Variants in PPARGC1A observed in about 807,000 individuals in gnomAD.
The protein encoded by PPARGC1A is PPARG coactivator 1 alpha.
In PPARGC1A, 25 loss-of-function variants were observed where a neutral mutation model predicts 88.7. That is an observed-to-expected ratio of 0.28 (90% CI 0.21 to 0.39). PPARGC1A has a LOEUF of 0.39. Ranked by LOEUF, PPARGC1A falls within the 10% of genes least tolerant of loss-of-function variation. The pLI, the probability that PPARGC1A is intolerant of heterozygous loss-of-function variation, is 1.00. For synonymous variants in PPARGC1A, 363 were observed against 355.6 expected, an observed-to-expected ratio of 1.02 and a Z score of -0.24; for missense variants, 880 against 968.7, an observed-to-expected ratio of 0.91 and a Z score of 1.22.
the PPARGC1A span, among the ~76,000 whole-genome samples, chr4:24,390,696 T>A: frequency 2.0e-5 from 3 of 152,070 alleles, no homozygotes; most frequent in Non-Finnish European, 4.4e-5. Context: ...CAATATTATA[T>A]CGGGAGCATT....
At chr4:24,181,879 C>T in the PPARGC1A span, among the ~76,000 whole-genome samples, 1 of 152,118 alleles carries the variant, frequency 6.6e-6, no homozygotes, top group African/African-American at 2.4e-5. Context: ...CCATCGAGAC[C>T]TTACCCCGAG....
the PPARGC1A span, among the ~76,000 whole-genome samples, chr4:23,971,127 G>A: frequency 2.7e-3 from 409 of 152,198 alleles, 1 homozygote; most frequent in Middle Eastern, 0.017. Context: ...TGCCCAAGTG[G>A]CTGTACCCAT....
chr4:24,193,866 T>A, the PPARGC1A span, among the ~76,000 whole-genome samples: 1 of 152,114 alleles, frequency 6.6e-6, no homozygotes, highest in East Asian at 1.9e-4. Flanking sequence ...TGGTAGCTCA[T>A]GCCTGTAATC....
chr4:24,274,544 T>C, the PPARGC1A span, among the ~76,000 whole-genome samples: 1 of 152,212 alleles, frequency 6.6e-6, no homozygotes, highest in South Asian at 2.1e-4. Flanking sequence ...TTTATTTATC[T>C]ACACTGAAAT....
the PPARGC1A span, among the ~76,000 whole-genome samples, chr4:24,339,237 T>TACACACACACACAC: frequency 2.9e-5 from 3 of 104,314 alleles, no homozygotes; most frequent in African/African-American, 8.0e-5. Context: ...TATATATATA[T>TACACACACACACAC]ACACACACAC....
chr4:24,095,593 A>G, the PPARGC1A span, among the ~76,000 whole-genome samples: 1 of 152,168 alleles, frequency 6.6e-6, no homozygotes, highest in Non-Finnish European at 1.5e-5. Context: ...TGATGCATCT[A>G]CAAGCCATGG....
the PPARGC1A span, among the ~76,000 whole-genome samples, chr4:24,106,437 A>G: frequency 6.6e-6 from 1 of 152,198 alleles, no homozygotes; most frequent in Admixed American, 6.5e-5. Context: ...TCGAATGGCA[A>G]CACTTTGAGC....
chr4:24,451,991 C>T, the PPARGC1A span, among the ~76,000 whole-genome samples: 1 of 152,252 alleles, frequency 6.6e-6, no homozygotes, highest in African/African-American at 2.4e-5. Context: ...AACATTTAAA[C>T]TATTGGACTT....
intron 2 of PPARGC1A, among the ~76,000 whole-genome samples, chr4:23,843,479 T>A (rs556436915): frequency 1.8e-4 from 28 of 152,164 alleles, no homozygotes; most frequent in Non-Finnish European, 3.2e-4. Context: ...CAGTGCCTGG[T>A]ATATAGTGAG....
the PPARGC1A span, among the ~76,000 whole-genome samples, chr4:24,397,894 G>A: frequency 6.6e-6 from 1 of 152,214 alleles, no homozygotes; most frequent in Non-Finnish European, 1.5e-5. Flanking sequence ...AAGGCTATGT[G>A]GTAACTAGGT....
intron 2 of PPARGC1A, among the ~76,000 whole-genome samples, chr4:23,841,152 T>C (rs908146244): frequency 6.6e-6 from 1 of 152,222 alleles, no homozygotes; most frequent in East Asian, 1.9e-4. Flanking sequence ...GCAATCAATT[T>C]GCAAACATCT....
At chr4:24,359,069 TA>T in the PPARGC1A span, among the ~76,000 whole-genome samples, 3 of 152,236 alleles carry the variant, frequency 2.0e-5, no homozygotes, top group Non-Finnish European at 2.9e-5. Context: ...ATTTATGGTT[TA>T]AAACTTAAAG....
chr4:23,884,970 A>G lies in PPARGC1A; in HGVS notation c.55-39T>C, dbSNP rs1716614145. 3 of 1,486,860 alleles carry G rather than the reference A, an allele frequency of 2.0e-6. No individual in the cohort carries two copies. The Admixed American group carries it at 6.8e-5, about 34-fold the overall frequency. The allele number at this position is 1,486,860 out of a possible 1,614,324, so 92.1% of individuals were successfully genotyped here. On this transcript the variant is annotated intron_variant, in intron 1 of 12. Transcript: ENST00000264867. Reference sequence around the variant, plus strand: ...AAAAAAAAAATTTAAAAAAGCTTCCATTAACCACAGGAATTTATTAAACTG... The same window carrying G: ...AAAAAAAAAATTTAAAAAAGCTTCCGTTAACCACAGGAATTTATTAAACTG...
the PPARGC1A span, among the ~76,000 whole-genome samples, chr4:24,331,478 A>G: frequency 6.6e-6 from 1 of 152,176 alleles, no homozygotes; most frequent in African/African-American, 2.4e-5. Context: ...TAGGTAGCAA[A>G]CAAGTTCCAG....
intron 12 of PPARGC1A, among the ~76,000 whole-genome samples, chr4:23,796,902 C>T (rs1438541797): frequency 4.0e-5 from 6 of 151,762 alleles, no homozygotes; most frequent in African/African-American, 1.5e-4. Context: ...ATTACAAAAT[C>T]GAAATGGTCA....
the PPARGC1A span, among the ~76,000 whole-genome samples, chr4:24,335,847 C>T: frequency 4.0e-5 from 6 of 151,818 alleles, no homozygotes; most frequent in Admixed American, 1.3e-4. Flanking sequence ...AGAAGTCAGG[C>T]GGATATGCCC....
chr4:23,870,596 G>A (rs1232742895), intron 2 of PPARGC1A, among the ~76,000 whole-genome samples: 4 of 152,038 alleles, frequency 2.6e-5, no homozygotes, highest in Admixed American at 6.5e-5. Flanking sequence ...TTAGACAACC[G>A]GATTCATTTA....
the PPARGC1A span, among the ~76,000 whole-genome samples, chr4:24,208,205 C>T: frequency 6.6e-6 from 1 of 151,970 alleles, no homozygotes; most frequent in African/African-American, 2.4e-5. Flanking sequence ...AGCATATGAG[C>T]CTTGGAGTGT....
At chr4:24,089,776 C>T in the PPARGC1A span, among the ~76,000 whole-genome samples, 1 of 152,124 alleles carries the variant, frequency 6.6e-6, no homozygotes, top group African/African-American at 2.4e-5. Flanking sequence ...TCCCAAAGTG[C>T]TGGGATTACA....
Sources: gnomAD v4.1 joint callset for allele counts (sites outside exome capture counted in the v4.1 genomes callset) on GRCh38, gnomAD v4.1.1 for gene constraint, MANE v1.5 for transcripts, NCBI Gene and HGNC (gene_info 2026-07-23, HGNC 2026-07-21) for gene names.